The following ACAP2 variants were observed in gnomAD, a reference collection of about 807,000 sequenced individuals.
ACAP2 encodes the protein arf-GAP with coiled-coil, ANK repeat and PH domain-containing protein 2.
Under a neutral mutation model 115.8 loss-of-function variants are expected in ACAP2, and 39 were observed. The ratio of observed to expected loss-of-function variants is 0.34; its 90% CI spans 0.26 to 0.44. The LOEUF (loss-of-function observed/expected upper bound fraction) is 0.44. Ranked by LOEUF, ACAP2 falls within the 20% of genes least tolerant of loss-of-function variation. The pLI is 1.00. For synonymous variants in ACAP2, 289 were observed against 315.8 expected, an observed-to-expected ratio of 0.92 and a Z score of 0.90; for missense variants, 662 against 927.6, an observed-to-expected ratio of 0.71 and a Z score of 3.72.
chr3:195,312,904 A>G (rs1290236795), intron 10 of ACAP2: 1 of 152,226 alleles, frequency 6.6e-6, no homozygotes, highest in East Asian at 1.9e-4. Flanking sequence ...CAAAAAGGAA[A>G]CTGGAGTAAG....
At chr3:195,313,737 TATTC>T (rs1728907049) in intron 10 of ACAP2, among the ~76,000 whole-genome samples, 1 of 152,246 alleles carries the variant, frequency 6.6e-6, no homozygotes, top group African/African-American at 2.4e-5. Flanking sequence ...AGCAAGTAAT[TATTC>T]AGTTTTATTA....
chr3:195,343,736 T>G (rs1235151869), intron 5 of ACAP2, among the ~76,000 whole-genome samples: 1 of 152,252 alleles, frequency 6.6e-6, no homozygotes, highest in Non-Finnish European at 1.5e-5. Flanking sequence ...ATTAATGATC[T>G]TAGTCACATA....
chr3:195,319,032 G>C (rs190640436), intron 10 of ACAP2, among the ~76,000 whole-genome samples: 6 of 152,352 alleles, frequency 3.9e-5, no homozygotes, highest in Admixed American at 2.6e-4. Context: ...CTGCAACCCA[G>C]GCACTCCAAT....
intron 10 of ACAP2, among the ~76,000 whole-genome samples, chr3:195,317,712 A>G (rs1030681047): frequency 1.1e-4 from 16 of 152,194 alleles, no homozygotes; most frequent in African/African-American, 3.9e-4. Context: ...CAACACCTTC[A>G]AAGTTTTTGG....
chr3:195,300,657 G>C (rs1012201845), intron 15 of ACAP2, among the ~76,000 whole-genome samples: 1 of 152,136 alleles, frequency 6.6e-6, no homozygotes, highest in Non-Finnish European at 1.5e-5. Context: ...ATGAAGTTTA[G>C]TATAGCAATA....
In ACAP2 at chr3:195,352,635, C is replaced by T. The variant is rs552580489; in HGVS notation, c.286-7318G>A. 3.8e-4 allele frequency among the ~76,000 whole-genome samples: 58 copies of T among 152,220 alleles called. No homozygotes were observed. The Middle Eastern group carries it at 0.017, about 45-fold the overall frequency. ...CTAAAAACAACCCCAAAGTCCATTG[C>T]GGTAGCTTTAAAATATGACAACAAA... On this transcript the variant is annotated intron_variant, in intron 4 of 22. Transcript: ENST00000326793.
chr3:195,421,332 G>A (rs1417141585), intron 1 of ACAP2, among the ~76,000 whole-genome samples: 1 of 152,140 alleles, frequency 6.6e-6, no homozygotes, highest in Non-Finnish European at 1.5e-5. Context: ...CTTCTCAAAT[G>A]ATGAAATAAA....
intron 1 of ACAP2, among the ~76,000 whole-genome samples, chr3:195,393,891 G>C (rs1016684109): frequency 4.2e-5 from 6 of 143,776 alleles, no homozygotes; most frequent in South Asian, 2.4e-4. Flanking sequence ...TATTGGGGGG[G>C]GGGGAAGCAA....
At chr3:195,426,991 G>A (rs572552128) in intron 1 of ACAP2, among the ~76,000 whole-genome samples, 3 of 151,352 alleles carry the variant, frequency 2.0e-5, no homozygotes, top group East Asian at 3.9e-4. Context: ...AAATACGTTA[G>A]GTTACACGGC....
intron 1 of ACAP2, among the ~76,000 whole-genome samples, chr3:195,437,835 G>A (rs76653183): frequency 7.2e-4 from 68 of 93,946 alleles, no homozygotes; most frequent in Admixed American, 1.1e-3. Context: ...AAAAAAAAAA[G>A]CAAAAAAAAA....
intron 1 of ACAP2, among the ~76,000 whole-genome samples, chr3:195,421,712 T>C (rs1714208339): frequency 6.6e-6 from 1 of 152,232 alleles, no homozygotes; most frequent in African/African-American, 2.4e-5. Flanking sequence ...TGTACGGAAG[T>C]TTTCTATTGT....
chr3:195,341,331 T>G (rs1329981693), intron 6 of ACAP2, among the ~76,000 whole-genome samples: 2 of 141,764 alleles, frequency 1.4e-5, no homozygotes, highest in African/African-American at 5.2e-5. Context: ...GTTTTTTTTT[T>G]TTTTTTTTTT....
In ACAP2 at chr3:195,307,282, T is replaced by A; in HGVS notation, c.951A>T (p.Thr317=). The change falls in exon 12 of 23, where the codon ACA becomes ACT. Residue 317 remains threonine (T), a synonymous_variant. Coordinates refer to ENST00000326793, the MANE Select transcript of ACAP2 (RefSeq NM_012287.6). ...TVVVEDLRLC[T]VKHCEDIERR... is the part of the protein sequence containing the mutation. ...GCTCTATGTCTTCACAATGTTTCAC[T>A]GTGCAAAGCCTGAGGTCTTCAACTA... The A allele has an allele frequency of 1.2e-6, 2 of 1,613,484 alleles. No homozygotes were observed. The highest frequency in any genetic ancestry group is 1.7e-6 in the Non-Finnish European group (2 of 1,179,594).
intron 1 of ACAP2, among the ~76,000 whole-genome samples, chr3:195,413,201 T>C (rs141394786): frequency 2.1e-3 from 326 of 152,324 alleles, no homozygotes; most frequent in Non-Finnish European, 3.7e-3. Context: ...TTGCCGTATT[T>C]TCTTTGGTTG....
intron 10 of ACAP2, among the ~76,000 whole-genome samples, chr3:195,316,383 T>G (rs927676160): frequency 1.3e-5 from 2 of 151,920 alleles, no homozygotes; most frequent in Admixed American, 1.3e-4. Context: ...TCATGTACTA[T>G]TCTTATGTTT....
intron 4 of ACAP2, among the ~76,000 whole-genome samples, chr3:195,372,022 T>C (rs1387143462): frequency 8.5e-5 from 13 of 152,114 alleles, no homozygotes; most frequent in Non-Finnish European, 1.6e-4. Context: ...GAAAGCAGAA[T>C]TACATTCATA....
chr3:195,429,045 A>C (rs1380747144), intron 1 of ACAP2, among the ~76,000 whole-genome samples: 1 of 152,196 alleles, frequency 6.6e-6, no homozygotes, highest in Non-Finnish European at 1.5e-5. Context: ...AGGAGAATGA[A>C]TACATTATGG....
At chr3:195,341,240 G>A (rs1022113571) in intron 6 of ACAP2, among the ~76,000 whole-genome samples, 1 of 151,580 alleles carries the variant, frequency 6.6e-6, no homozygotes, top group Non-Finnish European at 1.5e-5. Context: ...AATTAGACTG[G>A]AAGATCACCA....
At chr3:195,362,516 G>A (rs1340952351) in intron 4 of ACAP2, among the ~76,000 whole-genome samples, 1 of 151,902 alleles carries the variant, frequency 6.6e-6, no homozygotes. Flanking sequence ...AGACAGAGAT[G>A]CATAAAAAAT....
Sources: gnomAD v4.1 joint callset for allele counts (sites outside exome capture counted in the v4.1 genomes callset) on GRCh38, gnomAD v4.1.1 for gene constraint, MANE v1.5 for transcripts, NCBI Gene and HGNC (gene_info 2026-07-23, HGNC 2026-07-21) for gene names.